The following RBFOX1 variants were observed in gnomAD, a reference collection of about 807,000 sequenced individuals.
RBFOX1 encodes RNA binding protein fox-1 homolog 1.
In RBFOX1, 8 loss-of-function variants were observed where a neutral mutation model predicts 57.7. The ratio of observed to expected loss-of-function variants is 0.14; its 90% CI spans 0.08 to 0.25. The LOEUF is 0.25. Ranked by LOEUF, RBFOX1 falls within the 10% of genes least tolerant of loss-of-function variation. RBFOX1 has a pLI of 1.00. For synonymous variants in RBFOX1, 326 were observed against 222.4 expected (o/e 1.47, Z -4.15); for missense variants, 611 against 548.5 (o/e 1.11, Z -1.14).
At chr16:7,227,940 C>A (rs144500273) in intron 4 of RBFOX1, among the ~76,000 whole-genome samples, 2 of 152,172 alleles carry the variant, frequency 1.3e-5, no homozygotes, top group Admixed American at 6.5e-5. Flanking sequence ...CCAGACAATT[C>A]TTTGCGGTGA....
intron 2 of RBFOX1, among the ~76,000 whole-genome samples, chr16:5,508,005 T>C (rs1316958857): frequency 6.6e-6 from 1 of 152,162 alleles, no homozygotes; most frequent in Admixed American, 6.5e-5. Context: ...CATTGACCCA[T>C]GAGCAAGGTG....
downstream of RBFOX1, chr16:5,601,670 G>A (rs1955554990): frequency 6.6e-6 from 1 of 152,174 alleles, no homozygotes; most frequent in Non-Finnish European, 1.5e-5. Context: ...TGAGTCTATG[G>A]AAAGAAAACA....
At chr16:7,622,797 A>C (rs1332521644) in intron 10 of RBFOX1, among the ~76,000 whole-genome samples, 1 of 152,164 alleles carries the variant, frequency 6.6e-6, no homozygotes, top group East Asian at 1.9e-4. Flanking sequence ...TTTTTTCTGC[A>C]ACATCTGTGC....
chr16:7,154,430 A>G lies in RBFOX1; in HGVS notation c.27+102332A>G, dbSNP rs188625119. 2.1e-3 allele frequency among the ~76,000 whole-genome samples: 314 copies of G among 152,344 alleles called. 3 individuals are homozygous for G. Among genetic ancestry groups the G allele is most frequent in the African/African-American group, 7.2e-3 (301 of 41,598 alleles). On this transcript the variant is annotated intron_variant, in intron 4 of 15. Coordinates refer to ENST00000550418, the MANE Select transcript of RBFOX1 (RefSeq NM_018723.4). ...GAAGTTTGAAAGATATGGTCCCATC[A>G]CAGAAGGACAATAGATCTTTCCTAA...
chr16:5,978,139 A>C (rs2060103393), intron 4 of RBFOX1, among the ~76,000 whole-genome samples: 1 of 122,944 alleles, frequency 8.1e-6, no homozygotes, highest in Non-Finnish European at 1.8e-5. Context: ...AAAAAAAAAA[A>C]AAAAAAAAAA....
chr16:7,135,050 CAAAAT>C (rs918247154), intron 4 of RBFOX1, among the ~76,000 whole-genome samples: 18 of 151,338 alleles, frequency 1.2e-4, no homozygotes, highest in African/African-American at 4.4e-4. Context: ...TAAAATAAAA[CAAAAT>C]AAAGAAGGTT....
At chr16:7,018,980 A>C (rs1012348078) in intron 3 of RBFOX1, among the ~76,000 whole-genome samples, 4 of 151,956 alleles carry the variant, frequency 2.6e-5, no homozygotes, top group Admixed American at 1.3e-4. Context: ...GCAATAAATA[A>C]ATAAATAAGC....
chr16:6,993,474 G>A (rs113611219), intron 3 of RBFOX1, among the ~76,000 whole-genome samples: 107 of 152,228 alleles, frequency 7.0e-4, no homozygotes, highest in Non-Finnish European at 1.3e-3. Context: ...GGGGAGATGG[G>A]GAAAGCCATC....
chr16:6,199,516 G>A (rs1324705992), intron 1 of RBFOX1, among the ~76,000 whole-genome samples: 1 of 152,200 alleles, frequency 6.6e-6, no homozygotes, highest in African/African-American at 2.4e-5. Context: ...CTAATCCTGA[G>A]TGACTAAAAT....
chr16:7,195,926 C>G (rs1258359860), intron 4 of RBFOX1, among the ~76,000 whole-genome samples: 1 of 151,880 alleles, frequency 6.6e-6, no homozygotes, highest in African/African-American at 2.4e-5. Context: ...GGTTAGCCCA[C>G]GTGATATGAT....
intron 4 of RBFOX1, among the ~76,000 whole-genome samples, chr16:7,313,424 T>TTTCTTTTTTCCTTTCTTTC (rs2096365600): frequency 6.6e-6 from 1 of 151,778 alleles, no homozygotes; most frequent in Non-Finnish European, 1.5e-5. Flanking sequence ...TCCTGAAGAC[T>TTTCTTTTTTCCTTTCTTTC]TTCTTTTTTC....
At chr16:6,622,375 T>C (rs1475724992) in intron 2 of RBFOX1, among the ~76,000 whole-genome samples, 1 of 152,208 alleles carries the variant, frequency 6.6e-6, no homozygotes, top group Non-Finnish European at 1.5e-5. Context: ...TAGATTTAGA[T>C]ACGTAGTACT....
intron 3 of RBFOX1, among the ~76,000 whole-genome samples, chr16:7,028,050 G>GA (rs2041512705): frequency 6.6e-6 from 1 of 152,128 alleles, no homozygotes; most frequent in African/African-American, 2.4e-5. Context: ...CTCCAGCACA[G>GA]AAAGTGTTCG....
intron 2 of RBFOX1, among the ~76,000 whole-genome samples, chr16:6,597,579 A>C (rs921970000): frequency 5.3e-5 from 8 of 152,122 alleles, no homozygotes; most frequent in African/African-American, 1.9e-4. Context: ...AGGCTGAGGC[A>C]GGAGAATGGC....
chr16:6,455,692 A>T (rs2094753956), intron 2 of RBFOX1, among the ~76,000 whole-genome samples: 2 of 152,162 alleles, frequency 1.3e-5, no homozygotes, highest in Non-Finnish European at 2.9e-5. Context: ...TCAAGTGTTA[A>T]TGGTCTCCTA....
intron 3 of RBFOX1, among the ~76,000 whole-genome samples, chr16:5,785,470 A>G (rs753867188): frequency 2.0e-5 from 3 of 151,876 alleles, no homozygotes; most frequent in Non-Finnish European, 2.9e-5. Context: ...CCTTCTGTAT[A>G]TTATCAGGGT....
intron 2 of RBFOX1, among the ~76,000 whole-genome samples, chr16:6,565,840 G>T (rs977464809): frequency 6.6e-6 from 1 of 152,222 alleles, no homozygotes; most frequent in Non-Finnish European, 1.5e-5. Context: ...AGCTATGTGA[G>T]GCTATCAATC....
At chr16:7,607,848 C>A (rs990497837) in intron 10 of RBFOX1, among the ~76,000 whole-genome samples, 1 of 152,180 alleles carries the variant, frequency 6.6e-6, no homozygotes, top group Admixed American at 6.5e-5. Flanking sequence ...TAATCAAATT[C>A]CCTTAGCAAT....
At chr16:6,054,082 G>T (rs11648174) in intron 1 of RBFOX1, among the ~76,000 whole-genome samples, 45,299 of 151,834 alleles carry the variant, frequency 0.3, 7,375 homozygotes, top group Non-Finnish European at 0.37. Context: ...TTTAAAGAAA[G>T]AAATAAATGG....
Sources: gnomAD v4.1 joint callset for allele counts (sites outside exome capture counted in the v4.1 genomes callset) on GRCh38, gnomAD v4.1.1 for gene constraint, MANE v1.5 for transcripts, NCBI Gene and HGNC (gene_info 2026-07-23, HGNC 2026-07-21) for gene names.